Variants in TNKS observed in about 807,000 individuals in gnomAD.
TNKS encodes poly [ADP-ribose] polymerase tankyrase-1.
In TNKS, 72 loss-of-function variants were observed where a neutral mutation model predicts 135.8. The observed-to-expected ratio is 0.53, with a 90% CI of 0.44 to 0.64. The LOEUF (loss-of-function observed/expected upper bound fraction) is 0.64. Among genes scored for constraint, TNKS ranks in the 30% least tolerant of loss-of-function variants. The pLI is 0.00. For synonymous variants in TNKS, 849 were observed against 649.3 expected, an observed-to-expected ratio of 1.31 and a Z score of -4.68; for missense variants, 1,769 against 1,674.0, an observed-to-expected ratio of 1.06 and a Z score of -0.99.
intron 20 of TNKS, among the ~76,000 whole-genome samples, chr8:9,760,174 T>C (rs7842207): frequency 0.31 from 46,526 of 152,014 alleles, 7,468 homozygotes; most frequent in East Asian, 0.41. Context: ...GCTCCTATTA[T>C]TTTGTGAACT....
chr8:9,677,546 A>G (rs7840706), intron 3 of TNKS, among the ~76,000 whole-genome samples: 95,975 of 151,914 alleles, frequency 0.63, 30,748 homozygotes, highest in Middle Eastern at 0.73. Context: ...TTTACTGTCT[A>G]TCAGGGAATT....
intron 2 of TNKS, among the ~76,000 whole-genome samples, chr8:9,601,757 C>G (rs1799024744): frequency 6.6e-6 from 1 of 152,116 alleles, no homozygotes; most frequent in African/African-American, 2.4e-5. Context: ...TAGACCACAG[C>G]ACCTTAAATT....
At chr8:9,607,559 C>A (rs1291852518) in intron 2 of TNKS, among the ~76,000 whole-genome samples, 1 of 152,206 alleles carries the variant, frequency 6.6e-6, no homozygotes, top group Non-Finnish European at 1.5e-5. Flanking sequence ...GGTCGTCTTA[C>A]ACTTGCAAAG....
Position 9,752,643 on chromosome 8 carries a change from ATATT to A in TNKS, c.3153+19_3153+22del. The A allele has an allele frequency of 6.5e-7, 1 of 1,531,258 alleles. No homozygotes were observed. The highest frequency in any genetic ancestry group is 1.7e-4 in the Middle Eastern group (1 of 5,888). The allele number at this position is 1,531,258 out of a possible 1,614,324, so 94.9% of individuals were successfully genotyped here. A position where few individuals can be genotyped will look rare whatever the true frequency, so the allele number is the denominator to read the frequency against. ...ACAGAACAGGTAAATACTCTTGTAT[ATATT>A]TGAGTCATTTAAATTAAATACTAAG... On this transcript the variant is annotated intron_variant, in intron 20 of 26. Transcript: ENST00000310430.
At chr8:9,583,309 T>C (rs1199028480) in intron 2 of TNKS, among the ~76,000 whole-genome samples, 3 of 152,018 alleles carry the variant, frequency 2.0e-5, no homozygotes, top group Admixed American at 6.6e-5. Context: ...TTAAACAAAC[T>C]ACTTAAGACT....
chr8:9,748,564 C>G (rs1806361330), intron 18 of TNKS, among the ~76,000 whole-genome samples: 1 of 152,106 alleles, frequency 6.6e-6, no homozygotes, highest in Non-Finnish European at 1.5e-5. Flanking sequence ...TGATAATTTA[C>G]CTAAGTCTGT....
chr8:9,632,780 A>G (rs1374903580), intron 3 of TNKS, among the ~76,000 whole-genome samples: 1 of 152,088 alleles, frequency 6.6e-6, no homozygotes, highest in Admixed American at 6.5e-5. Flanking sequence ...CCCAGGCTGG[A>G]GTGCAGTGGC....
chr8:9,780,938 TG>T lies in TNKS; in HGVS notation c.*4203del, dbSNP rs1207228131. The T allele has an allele frequency of 1.3e-4, 20 of 152,230 alleles. No individual in the cohort carries two copies. Among genetic ancestry groups the T allele is most frequent in the African/African-American group, 4.8e-4 (20 of 41,460 alleles). The allele number at this position is 152,230 out of a possible 1,614,324, so 9.4% of individuals were successfully genotyped here. A position where few individuals can be genotyped will look rare whatever the true frequency, so the allele number is the denominator to read the frequency against. The stretch of plus-strand genomic sequence containing the variant: ...ATTTCAAAGCCTATTCAGTTGTGTA[TG>T]TGGGGATACGACAGCAACTGTGATA... On this transcript the variant is annotated 3_prime_UTR_variant, in exon 27 of 27. Coordinates refer to ENST00000310430, the MANE Select transcript of TNKS (RefSeq NM_003747.3).
At chr8:9,631,329 T>C (rs958555999) in intron 3 of TNKS, among the ~76,000 whole-genome samples, 2 of 152,172 alleles carry the variant, frequency 1.3e-5, no homozygotes, top group African/African-American at 4.8e-5. Flanking sequence ...GACAACAGAT[T>C]AAGAACTATC....
chr8:9,686,355 C>G (rs570300538), intron 5 of TNKS, among the ~76,000 whole-genome samples: 3 of 152,268 alleles, frequency 2.0e-5, no homozygotes, highest in African/African-American at 7.2e-5. Context: ...AATTTAACCC[C>G]ATCTGAGTTC....
In TNKS at chr8:9,780,138, G is replaced by C. The variant is rs1808397632; in HGVS notation, c.*3402G>C. On this transcript the variant is annotated 3_prime_UTR_variant, in exon 27 of 27. Transcript: ENST00000310430. ...GCATTAGAATGCAATAAGTTGTCTAGGTTTTTCTGTTTCAGTGTCTCTCCC... is the reference window on the plus strand; with the variant it reads ...GCATTAGAATGCAATAAGTTGTCTACGTTTTTCTGTTTCAGTGTCTCTCCC... 6.6e-6 allele frequency: 1 copy of C among 152,210 alleles called. No individual in the cohort carries two copies. Among genetic ancestry groups the C allele is most frequent in the Non-Finnish European group, 1.5e-5 (1 of 68,030 alleles). The allele number at this position is 152,210 out of a possible 1,614,324, so 9.4% of individuals were successfully genotyped here.
At chr8:9,685,163 A>C (rs192378542) in intron 5 of TNKS, among the ~76,000 whole-genome samples, 5 of 152,278 alleles carry the variant, frequency 3.3e-5, no homozygotes, top group African/African-American at 1.2e-4. Flanking sequence ...GTGTTTGAAA[A>C]CTACTTTCAA....
rs951624513 is a variant in TNKS at position 9,726,598 on chromosome 8, G to C, written c.1922-43G>C. 5 of 1,412,476 alleles carry C rather than the reference G, an allele frequency of 3.5e-6. No individual in the cohort carries two copies. In the African/African-American group the frequency reaches 5.8e-5, roughly 16 times the overall value. 87.5% of individuals were successfully genotyped at this position (1,412,476 alleles called of 1,614,324 possible). ...CAAAATCAATGCAGTTGGAATATAT[G>C]AGTTTGGATATATATATGAGTTCTT... On this transcript the variant is annotated intron_variant, in intron 12 of 26. Transcript: ENST00000310430.
At chr8:9,663,466 T>A (rs999490449) in intron 3 of TNKS, among the ~76,000 whole-genome samples, 2 of 152,214 alleles carry the variant, frequency 1.3e-5, no homozygotes, top group Non-Finnish European at 2.9e-5. Flanking sequence ...ATTTGCAAGT[T>A]TTTCCTACCA....
intron 2 of TNKS, among the ~76,000 whole-genome samples, chr8:9,586,722 C>CATGTGT (rs373137780): frequency 1.7e-4 from 24 of 143,210 alleles, no homozygotes; most frequent in Admixed American, 2.8e-4. Flanking sequence ...ATATCTAAAA[C>CATGTGT]GTGTGTGTGT....
chr8:9,773,496 T>A (rs1042198177), intron 26 of TNKS, among the ~76,000 whole-genome samples: 19 of 152,174 alleles, frequency 1.2e-4, no homozygotes, highest in Non-Finnish European at 2.6e-4. Context: ...ATGAGTGGTT[T>A]CAGTTCTCTT....
chr8:9,735,437 C>G lies in TNKS; in HGVS notation c.2594C>G (p.Ala865Gly). 6.2e-7 allele frequency: 1 copy of G among 1,613,994 alleles called. No homozygotes were observed. The highest frequency in any genetic ancestry group is 8.5e-7 in the Non-Finnish European group (1 of 1,180,004). Reference sequence around the variant, plus strand: ...CTAGAGCATGGAGCTGATGTTAATGCCCAGGACAAGGGTGGTTTAATTCCT... The same window carrying G: ...CTAGAGCATGGAGCTGATGTTAATGGCCAGGACAAGGGTGGTTTAATTCCT... ...YLLEHGADVN[A>G]QDKGGLIPLH... Residue 865 changes from alanine (A) to glycine (G), a missense_variant, in exon 17 of 27, where the codon GCC becomes GGC. Ala to Gly is a moderately conservative substitution (Grantham distance 60). This residue lies in a region of TNKS where 722 missense variants were observed against 688.9 expected (regional missense o/e 1.05). Coordinates refer to ENST00000310430, the MANE Select transcript of TNKS (RefSeq NM_003747.3).
chr8:9,603,832 A>G (rs1799112639), intron 2 of TNKS, among the ~76,000 whole-genome samples: 1 of 152,004 alleles, frequency 6.6e-6, no homozygotes, highest in Admixed American at 6.5e-5. Flanking sequence ...TTAAGAGAGA[A>G]CAGAACTCAT....
intron 3 of TNKS, chr8:9,658,452 T>G (rs2128785876): frequency 9.8e-7 from 1 of 1,021,316 alleles, no homozygotes; most frequent in Non-Finnish European, 1.4e-6. Flanking sequence ...AGAAAAGAAT[T>G]TTCAACCCAG....
Sources: gnomAD v4.1 joint callset for allele counts (sites outside exome capture counted in the v4.1 genomes callset) on GRCh38, gnomAD v4.1.1 for gene constraint, gnomAD v4.1.1 regional missense constraint, MANE v1.5 for transcripts, NCBI Gene and HGNC (gene_info 2026-07-23, HGNC 2026-07-21) for gene names.